UNC45A: variants seen among roughly 807,000 people sequenced by gnomAD.
The protein encoded by UNC45A is protein unc-45 homolog A.
UNC45A carries 78 observed loss-of-function variants against 103.2 expected under a neutral mutation model. The observed-to-expected ratio is 0.76, with a 90% CI of 0.63 to 0.91. The LOEUF (loss-of-function observed/expected upper bound fraction) is 0.91. Ranked by LOEUF, UNC45A falls within the 40% of genes least tolerant of loss-of-function variation. The probability of loss-of-function intolerance (pLI) is 0.00; values close to 1 mark genes in which losing one functional copy is unlikely to be tolerated. For synonymous variants in UNC45A, 495 were observed against 504.6 expected, an observed-to-expected ratio of 0.98 and a Z score of 0.25; for missense variants, 1,193 against 1,224.8, an observed-to-expected ratio of 0.97 and a Z score of 0.39.
chr15:90,946,973 C>T (rs941778123), intron 10 of UNC45A, 59 bp downstream of exon 10: 32 of 1,555,172 alleles, frequency 2.1e-5, no homozygotes, highest in African/African-American at 1.2e-4. Context: ...CTGGTCCAGC[C>T]GGTGTTGCAG....
intron 18 of UNC45A, 32 bp downstream of exon 18, chr15:90,953,078 G>T: frequency 1.2e-6 from 2 of 1,613,310 alleles, no homozygotes; most frequent in Non-Finnish European, 1.7e-6. Context: ...CATGACAGGC[G>T]GGGATGCAGA....
In UNC45A at chr15:90,946,900, A is replaced by G; in HGVS notation, c.1486A>G (p.Ile496Val). 6.4e-7 allele frequency: 1 copy of G among 1,554,954 alleles called. No individual in the cohort carries two copies. The highest frequency in any genetic ancestry group is 8.8e-7 in the Non-Finnish European group (1 of 1,141,662). Residue 496 changes from isoleucine to valine, a missense_variant, in exon 10 of 20, where the codon ATC (isoleucine) becomes GTC (valine). By Grantham distance (29) the Ile-to-Val change is conservative. Coordinates refer to ENST00000418476, the MANE Select transcript of UNC45A (RefSeq NM_018671.5). The stretch of plus-strand genomic sequence containing the variant: ...GTGCAGCGAGAAGGACAGCATCCGC[A>G]TCCGGGCGCTAGTGGTGAGACGGTG... ...YKCSEKDSIRIRALVGLCKLG... is the reference protein window; with the variant it reads ...YKCSEKDSIRVRALVGLCKLG...
chr15:90,931,994 A>G (rs773106026), upstream of UNC45A: 20 of 1,613,794 alleles, frequency 1.2e-5, 1 homozygote, highest in South Asian at 2.2e-4. Flanking sequence ...AGGGTTGCCC[A>G]TTGCTGAATG....
intron 17 of UNC45A, among the ~76,000 whole-genome samples, chr15:90,952,087 G>A (rs2036946181): frequency 6.6e-6 from 1 of 152,184 alleles, no homozygotes; most frequent in African/African-American, 2.4e-5. Context: ...TGGTGCAAGA[G>A]GGTCCTTGGA....
Position 90,953,473 on chromosome 15 carries a change from G to A in UNC45A, c.2592G>A (p.Leu864=). The change falls in exon 20 of 20, where the codon CTG becomes CTA. Residue 864 remains leucine (L), a synonymous_variant. Transcript: ENST00000418476. ...TTTTCTCACAGACCACACACTGGCT[G>A]GAGATCCTGCAGGCCCTGCTTCTGA... ...SRIPQVTTHW[L]EILQALLLSS... is the part of the protein sequence containing the mutation. The A allele has an allele frequency of 6.2e-7, 1 of 1,613,802 alleles. No individual in the cohort carries two copies. Among genetic ancestry groups the A allele is most frequent in the Non-Finnish European group, 8.5e-7 (1 of 1,180,026 alleles).
At chr15:90,944,794 C>G (rs1332444556) in intron 8 of UNC45A, 98 bp from the exon 9 acceptor site, 1 of 1,415,942 alleles carries the variant, frequency 7.1e-7, no homozygotes, top group Non-Finnish European at 9.6e-7. Flanking sequence ...CTGTAGCCTT[C>G]TTGTCTTGCT....
In UNC45A at chr15:90,940,302, G is replaced by T. The variant is rs370176154; in HGVS notation, c.520-4G>T. On this transcript the variant is annotated splice_polypyrimidine_tract_variant and splice_region_variant and intron_variant, in intron 5 of 19. Coordinates refer to ENST00000418476, the MANE Select transcript of UNC45A (RefSeq NM_018671.5). ...AACATTATAATGTGCTTCCTTTGAC[G>T]CAGGCTTCTCAGAACCTGGTGGTGC... 6.2e-7 allele frequency: 1 copy of T among 1,611,338 alleles called. No homozygotes were observed. The highest frequency in any genetic ancestry group is 1.1e-5 in the South Asian group (1 of 90,802).
chr15:90,950,443 G>T (rs2151375132), intron 16 of UNC45A, 57 bp from the exon 17 acceptor site: 1 of 1,578,596 alleles, frequency 6.3e-7, no homozygotes, highest in East Asian at 2.3e-5. Flanking sequence ...CTGCAGGGTT[G>T]GTGGGGCTTG....
upstream of UNC45A, chr15:90,931,925 G>A (rs1196682827): frequency 2.5e-6 from 4 of 1,613,758 alleles, no homozygotes; most frequent in Non-Finnish European, 2.5e-6. Context: ...GTCCTCCACC[G>A]TGTCATGGAG....
rs1381852635 is a variant in UNC45A, at chr15:90,936,442, G to A, written c.408G>A (p.Gly136=). The stretch of plus-strand genomic sequence containing the variant: ...TCCAGGAGGCCTTGCGGAACATCGG[G>A]GGCCAGATTCAGGAGAAGGTATGTG... ...KVFQEALRNI[G]GQIQEKVRYM... is the part of the protein sequence containing the mutation. Residue 136 remains glycine (G), a synonymous_variant, in exon 4 of 20, where the codon GGG becomes GGA. Transcript: ENST00000418476. 8 of 1,614,022 alleles carry A rather than the reference G, an allele frequency of 5.0e-6. No individual in the cohort carries two copies. In the Admixed American group the frequency reaches 1.3e-4, roughly 27 times the overall value.
At chr15:90,943,623 C>T (rs12913674) in intron 8 of UNC45A, among the ~76,000 whole-genome samples, 8,392 of 151,788 alleles carry the variant, frequency 0.055, 334 homozygotes, top group South Asian at 0.16. Context: ...CTATCATATG[C>T]GTGTGCACAT....
chr15:90,939,730 G>A lies in UNC45A; in HGVS notation c.427-1G>A. 6.2e-7 allele frequency: 1 copy of A among 1,614,128 alleles called. No homozygotes were observed. Among genetic ancestry groups the A allele is most frequent in the African/African-American group, 1.3e-5 (1 of 75,048 alleles). On this transcript the variant is annotated splice_acceptor_variant, in intron 4 of 19. Coordinates refer to ENST00000418476, the MANE Select transcript of UNC45A (RefSeq NM_018671.5). LOFTEE classifies it high-confidence loss of function. ...GTTCCATGCTTTGTTGGTTTGTCTA[G>A]GTGCGATACATGTCCTCGACGGATG...
chr15:90,947,642 A>G, intron 10 of UNC45A, 154 bp from the exon 11 acceptor site: 1 of 616,858 alleles, frequency 1.6e-6, no homozygotes, highest in East Asian at 2.8e-5. Context: ...CACATGCTCT[A>G]GGTGGTGGTC....
chr15:90,935,134 C>G, upstream of UNC45A: 2 of 620,750 alleles, frequency 3.2e-6, no homozygotes, highest in South Asian at 3.8e-5. Context: ...GCGCCCGGAG[C>G]TTGCCTGCAC....
chr15:90,935,149 G>A (rs2035935361), upstream of UNC45A: 2 of 641,708 alleles, frequency 3.1e-6, no homozygotes, highest in Non-Finnish European at 5.4e-6. Context: ...CTGCACCTGC[G>A]ATCCAGAGCC....
chr15:90,950,106 G>T, intron 15 of UNC45A, 48 bp from the exon 16 acceptor site: 1 of 1,530,850 alleles, frequency 6.5e-7, no homozygotes, highest in Non-Finnish European at 8.8e-7. Context: ...GATGGTCGGG[G>T]TCTTACTCCC....
rs780730587 is a variant in UNC45A, at chr15:90,946,750, T to C, written c.1336T>C (p.Cys446Arg). 1.2e-6 allele frequency: 2 copies of C among 1,614,022 alleles called. No individual in the cohort carries two copies. The highest frequency in any genetic ancestry group is 1.1e-5 in the South Asian group (1 of 91,070). Reference protein sequence around the residue: ...SGVMESVIALCASEQEEEQLV... With the variant: ...SGVMESVIALRASEQEEEQLV... ...TGTCATGGAGAGTGTGATTGCTCTG[T>C]GTGCCTCTGAGCAGGAGGAGGAGCA... is the stretch of plus-strand genomic sequence containing the variant. Residue 446 changes from cysteine (C) to arginine (R), a missense_variant, in exon 10 of 20, where the codon TGT becomes CGT. Physicochemically the swap from Cys to Arg is radical, Grantham distance 180. Transcript: ENST00000418476.
intron 10 of UNC45A, 28 bp downstream of exon 10, chr15:90,946,942 G>GGGGGGGGGGGGGGGGGGGC: frequency 1.2e-6 from 1 of 817,440 alleles, no homozygotes; most frequent in Non-Finnish European, 2.0e-6. Flanking sequence ...GGGTGGGTGG[G>GGGGGGGGGGGGGGGGGGGC]CAGGCAGCCA....
chr15:90,949,001 C>T (rs3759927), intron 13 of UNC45A, among the ~76,000 whole-genome samples: 8,439 of 151,716 alleles, frequency 0.056, 346 homozygotes, highest in South Asian at 0.16. Flanking sequence ...CTCAGCCTCC[C>T]GAGTAGCTGG....
Sources: gnomAD v4.1 joint callset for allele counts (sites outside exome capture counted in the v4.1 genomes callset) on GRCh38, gnomAD v4.1.1 for gene constraint, MANE v1.5 for transcripts, NCBI Gene and HGNC (gene_info 2026-07-23, HGNC 2026-07-21) for gene names.